XRCC5: variants seen among roughly 807,000 people sequenced by gnomAD.
XRCC5 encodes the protein DNA repair protein Ku80.
Under a neutral mutation model 95.7 loss-of-function variants are expected in XRCC5, and 12 were observed. The observed-to-expected ratio is 0.13, with a 90% CI of 0.08 to 0.20. The LOEUF is 0.20. Among genes scored for constraint, XRCC5 ranks in the 10% least tolerant of loss-of-function variants. XRCC5 has a pLI of 1.00. For synonymous variants in XRCC5, 281 were observed against 290.3 expected (o/e 0.97, Z 0.33); for missense variants, 595 against 873.9 (o/e 0.68, Z 4.02).
At chr2:216,126,906 T>TC (rs1280076304) in intron 7 of XRCC5, among the ~76,000 whole-genome samples, 1 of 151,800 alleles carries the variant, frequency 6.6e-6, no homozygotes, top group Non-Finnish European at 1.5e-5. Context: ...ATATATTGCT[T>TC]CTTTTTTTTT....
rs1012322227 is a variant in XRCC5, at chr2:216,120,745, T to C, written c.492-1317T>C. 2.0e-5 allele frequency among the ~76,000 whole-genome samples: 3 copies of C among 151,930 alleles called. No individual in the cohort carries two copies. The East Asian group carries it at 5.8e-4, about 29-fold the overall frequency. ...AGTTTTTAGTTTTTCTTGGTTGTTG[T>C]TTGTTTTTGAGATGGAGTCTCGCAC... On this transcript the variant is annotated intron_variant, in intron 5 of 20. Coordinates refer to ENST00000392132, the MANE Select transcript of XRCC5 (RefSeq NM_021141.4).
chr2:216,138,287 G>A lies in XRCC5; in HGVS notation c.1342+108G>A. The stretch of plus-strand genomic sequence containing the variant: ...GCTAGGTATTTATAGGGTGCAATTA[G>A]TTGGATTTCCAATCATACACTTAGA... On this transcript the variant is annotated intron_variant, in intron 12 of 20. Coordinates refer to ENST00000392132, the MANE Select transcript of XRCC5 (RefSeq NM_021141.4). 3 of 926,150 alleles carry A rather than the reference G, an allele frequency of 3.2e-6. No individual in the cohort carries two copies. In the South Asian group the frequency reaches 4.3e-5, roughly 13 times the overall value. 57.4% of individuals were successfully genotyped at this position (926,150 alleles called of 1,614,324 possible). A position where few individuals can be genotyped will look rare whatever the true frequency, so the allele number is the denominator to read the frequency against.
chr2:216,204,539 A>G (rs1689905754), intron 20 of XRCC5, 143 bp downstream of exon 20: 3 of 784,908 alleles, frequency 3.8e-6, no homozygotes, highest in African/African-American at 1.8e-5. Flanking sequence ...ACACCATTAT[A>G]TATTGCCATT....
intron 2 of XRCC5, among the ~76,000 whole-genome samples, chr2:216,114,867 T>C (rs186890921): frequency 4.0e-4 from 61 of 152,300 alleles, no homozygotes; most frequent in Non-Finnish European, 7.1e-4. Flanking sequence ...AGCATGCGCA[T>C]GACTAGTAAC....
intron 16 of XRCC5, among the ~76,000 whole-genome samples, chr2:216,185,441 G>A (rs1326748742): frequency 2.0e-5 from 3 of 152,176 alleles, no homozygotes; most frequent in African/African-American, 7.2e-5. Context: ...TCTTTTATAA[G>A]TTTCTGGCTT....
At chr2:216,143,124 G>C (rs1697197718) in intron 13 of XRCC5, among the ~76,000 whole-genome samples, 2 of 152,208 alleles carry the variant, frequency 1.3e-5, no homozygotes. Flanking sequence ...GGGAGCTGCA[G>C]CTTGATATCA....
intron 13 of XRCC5, among the ~76,000 whole-genome samples, chr2:216,142,799 ACTGC>A (rs1234910164): frequency 2.6e-5 from 4 of 152,172 alleles, no homozygotes; most frequent in Non-Finnish European, 4.4e-5. Context: ...CTTGAAAGAA[ACTGC>A]CTGTTTTTTT....
At chr2:216,129,520 C>T (rs1366542006) in intron 8 of XRCC5, among the ~76,000 whole-genome samples, 3 of 152,160 alleles carry the variant, frequency 2.0e-5, no homozygotes, top group East Asian at 1.9e-4. Flanking sequence ...ACAATTCACA[C>T]GATTCAAGTA....
chr2:216,201,049 G>GT (rs1383603730), intron 19 of XRCC5, among the ~76,000 whole-genome samples: 1 of 152,146 alleles, frequency 6.6e-6, no homozygotes, highest in Non-Finnish European at 1.5e-5. Flanking sequence ...GATAGGTATG[G>GT]TAAGTAGTAG....
chr2:216,139,070 T>C (rs1227194166), intron 12 of XRCC5, among the ~76,000 whole-genome samples: 1 of 152,186 alleles, frequency 6.6e-6, no homozygotes, highest in Admixed American at 6.5e-5. Context: ...GACCTGATTA[T>C]ATGGAAGTTG....
chr2:216,141,129 T>G, intron 12 of XRCC5, 57 bp from the exon 13 acceptor site: 2 of 1,601,020 alleles, frequency 1.2e-6, no homozygotes, highest in Non-Finnish European at 1.7e-6. Flanking sequence ...TAGAAAGCAT[T>G]TGTTTTAGTG....
intron 10 of XRCC5, among the ~76,000 whole-genome samples, chr2:216,135,457 G>A (rs1198158869): frequency 6.6e-6 from 1 of 152,150 alleles, no homozygotes; most frequent in South Asian, 2.1e-4. Context: ...TGGGAACAGA[G>A]GTGGCTGTCA....
At chr2:216,179,377 C>T (rs557982142) in intron 16 of XRCC5, among the ~76,000 whole-genome samples, 1 of 152,120 alleles carries the variant, frequency 6.6e-6, no homozygotes, top group Non-Finnish European at 1.5e-5. Flanking sequence ...CAAGGACTCT[C>T]TTTCCAAGTA....
chr2:216,126,903 GCTT>G (rs1445895326), intron 7 of XRCC5, among the ~76,000 whole-genome samples: 1 of 150,530 alleles, frequency 6.6e-6, no homozygotes, highest in South Asian at 2.1e-4. Flanking sequence ...CAGATATATT[GCTT>G]CTTTTTTTTT....
intron 19 of XRCC5, among the ~76,000 whole-genome samples, chr2:216,201,573 GT>G (rs1689834199): frequency 6.6e-6 from 1 of 152,168 alleles, no homozygotes; most frequent in Admixed American, 6.5e-5. Flanking sequence ...CACTTTTATG[GT>G]AACCCCAGGT....
At position 216,126,781 on chromosome 2, in the gene XRCC5, A is replaced by C. The variant is rs138169517; in HGVS notation, c.798+750A>C. 2.9e-3 allele frequency among the ~76,000 whole-genome samples: 446 copies of C among 152,238 alleles called. 1 individual carries two copies. Among genetic ancestry groups the C allele is most frequent in the African/African-American group, 9.9e-3 (413 of 41,540 alleles). On this transcript the variant is annotated intron_variant, in intron 7 of 20. Transcript: ENST00000392132. Reference sequence around the variant, plus strand: ...TGTGAGAACCTTGGGGCAGTTCTTTATTTATTTCAGCTTCCATCAAAGCCT... The same window carrying C: ...TGTGAGAACCTTGGGGCAGTTCTTTCTTTATTTCAGCTTCCATCAAAGCCT...
At chr2:216,168,318 A>AT (rs1425364732) in intron 16 of XRCC5, among the ~76,000 whole-genome samples, 1 of 152,194 alleles carries the variant, frequency 6.6e-6, no homozygotes, top group Non-Finnish European at 1.5e-5. Flanking sequence ...CTGGTTGTGT[A>AT]TATTTCATTG....
intron 16 of XRCC5, among the ~76,000 whole-genome samples, chr2:216,164,382 G>A (rs1186624822): frequency 6.6e-6 from 1 of 152,222 alleles, no homozygotes; most frequent in Admixed American, 6.5e-5. Context: ...TATTTACTAT[G>A]TTCAAGGCAT....
intron 14 of XRCC5, among the ~76,000 whole-genome samples, chr2:216,150,106 C>A (rs1325035268): frequency 6.6e-6 from 1 of 152,048 alleles, no homozygotes; most frequent in East Asian, 1.9e-4. Context: ...GGTAGTTTTT[C>A]CAAGGAAAGA....
Sources: allele counts gnomAD v4.1 joint callset (sites outside exome capture counted in the v4.1 genomes callset), GRCh38; gene constraint gnomAD v4.1.1; transcripts MANE v1.5; gene names NCBI Gene and HGNC (gene_info 2026-07-23, HGNC 2026-07-21).